Variants in SHISA6 observed in about 807,000 individuals in gnomAD.
SHISA6 encodes the protein shisa family member 6, also known as protein shisa-6.
SHISA6 carries 22 observed loss-of-function variants against 47.9 expected under a neutral mutation model. The observed-to-expected ratio is 0.46, with a 90% CI of 0.33 to 0.66. SHISA6 has a LOEUF of 0.66. Among genes scored for constraint, SHISA6 ranks in the 30% least tolerant of loss-of-function variants. The pLI is 0.02. For missense variants in SHISA6, 680 were observed against 764.6 expected (o/e 0.89, Z 1.30); for synonymous variants, 388 against 337.8 (o/e 1.15, Z -1.63).
intron 3 of SHISA6, among the ~76,000 whole-genome samples, chr17:11,491,200 C>T (rs1597547926): frequency 6.6e-6 from 1 of 152,254 alleles, no homozygotes; most frequent in South Asian, 2.1e-4. Context: ...GGAGGGGAGT[C>T]ATATTGTCAA....
chr17:11,446,363 G>A (rs1380411656), intron 3 of SHISA6, among the ~76,000 whole-genome samples: 3 of 152,152 alleles, frequency 2.0e-5, no homozygotes, highest in Non-Finnish European at 2.9e-5. Context: ...CATCTATGGT[G>A]GAATCGTCCT....
rs578239794 is a variant in SHISA6 at position 11,552,218 on chromosome 17, C to T, written c.952+266C>T. Among the ~76,000 whole-genome samples the T allele has an allele frequency of 1.2e-4, 19 of 152,358 alleles. No homozygotes were observed. In the East Asian group the frequency reaches 3.7e-3, roughly 29 times the overall value. On this transcript the variant is annotated intron_variant, in intron 4 of 5. Coordinates refer to ENST00000441885, the MANE Select transcript of SHISA6 (RefSeq NM_207386.4). ...GGGCTAGACCCATTTCTACTTGCCA[C>T]CTGTATCACTTCTTACAGTCATAAA...
chr17:11,472,649 T>C (rs1463255349), intron 3 of SHISA6, among the ~76,000 whole-genome samples: 2 of 152,224 alleles, frequency 1.3e-5, no homozygotes, highest in African/African-American at 4.8e-5. Flanking sequence ...CAGGGTTTCT[T>C]TGTGTGGAAA....
At chr17:11,252,349 A>G (rs923743657) in intron 1 of SHISA6, among the ~76,000 whole-genome samples, 3 of 152,204 alleles carry the variant, frequency 2.0e-5, no homozygotes, top group Non-Finnish European at 4.4e-5. Context: ...TACTCAGGAC[A>G]TCTGTCCTCT....
At chr17:11,507,197 G>T (rs896958110) in intron 3 of SHISA6, among the ~76,000 whole-genome samples, 3 of 152,194 alleles carry the variant, frequency 2.0e-5, no homozygotes, top group African/African-American at 7.2e-5. Context: ...AGTATAAATT[G>T]CTCAATTAAT....
intron 2 of SHISA6, among the ~76,000 whole-genome samples, chr17:11,320,659 CAAA>C (rs112649016): frequency 3.8e-5 from 3 of 79,468 alleles, no homozygotes; most frequent in Admixed American, 2.4e-4. Flanking sequence ...ACTCCATCAC[CAAA>C]AAAAAAAAGA....
intron 3 of SHISA6, among the ~76,000 whole-genome samples, chr17:11,531,352 T>G (rs1421752569): frequency 6.6e-6 from 1 of 151,926 alleles, no homozygotes; most frequent in African/African-American, 2.4e-5. Flanking sequence ...AGCATTTCAG[T>G]TTAAACACAC....
At chr17:11,428,016 C>G (rs1914650938) in intron 3 of SHISA6, among the ~76,000 whole-genome samples, 1 of 152,188 alleles carries the variant, frequency 6.6e-6, no homozygotes. Context: ...TAGAATGAAG[C>G]ATGAAGTCTG....
At chr17:11,287,366 T>C in intron 2 of SHISA6, among the ~76,000 whole-genome samples, 1 of 151,870 alleles carries the variant, frequency 6.6e-6, no homozygotes. Flanking sequence ...TAGAATGAGA[T>C]TGTACTTTAT....
intron 3 of SHISA6, among the ~76,000 whole-genome samples, chr17:11,431,828 G>T (rs944865868): frequency 1.3e-5 from 2 of 152,176 alleles, no homozygotes; most frequent in African/African-American, 2.4e-5. Flanking sequence ...AAACAGAGTA[G>T]CTCTTCCTTG....
At chr17:11,495,986 TATCCATTC>T (rs1416871203) in intron 3 of SHISA6, among the ~76,000 whole-genome samples, 2 of 131,124 alleles carry the variant, frequency 1.5e-5, no homozygotes, top group African/African-American at 2.9e-5. Context: ...TCCTTCTATT[TATCCATTC>T]ATCCATCCAT....
chr17:11,277,270 TCTCTCTCTCTCACACACACACACACA>T (rs1908943535), intron 2 of SHISA6, among the ~76,000 whole-genome samples: 1 of 113,986 alleles, frequency 8.8e-6, no homozygotes, highest in Non-Finnish European at 1.7e-5. Flanking sequence ...TCTCTCTCTC[TCTCTCTCTCTCACACACACACACACA>T]CACACACACA....
chr17:11,325,209 G>A (rs1391040786), intron 2 of SHISA6, among the ~76,000 whole-genome samples: 1 of 152,222 alleles, frequency 6.6e-6, no homozygotes, highest in Admixed American at 6.5e-5. Context: ...CAGGAGCAGG[G>A]ATGCTGGCCT....
intron 3 of SHISA6, among the ~76,000 whole-genome samples, chr17:11,504,715 A>G (rs1375102005): frequency 2.0e-5 from 3 of 152,190 alleles, no homozygotes; most frequent in Non-Finnish European, 2.9e-5. Context: ...GATGCCACGA[A>G]TAACACACTG....
chr17:11,506,172 G>A (rs1052650612), intron 3 of SHISA6, among the ~76,000 whole-genome samples: 3 of 152,166 alleles, frequency 2.0e-5, no homozygotes, highest in African/African-American at 7.2e-5. Context: ...GACACTTGAG[G>A]AGATGGTCAG....
chr17:11,301,140 G>A (rs1298845069), intron 2 of SHISA6, among the ~76,000 whole-genome samples: 1 of 152,062 alleles, frequency 6.6e-6, no homozygotes, highest in African/African-American at 2.4e-5. Context: ...GCTGAGCCCG[G>A]TAGCAGACCC....
At chr17:11,525,006 C>G (rs757219843) in intron 3 of SHISA6, among the ~76,000 whole-genome samples, 1 of 152,058 alleles carries the variant, frequency 6.6e-6, no homozygotes, top group Non-Finnish European at 1.5e-5. Context: ...GAAAGGCCAG[C>G]AGGGTTTTGT....
intron 2 of SHISA6, among the ~76,000 whole-genome samples, chr17:11,341,388 G>A (rs115931839): frequency 0.19 from 25,950 of 140,206 alleles, 2,501 homozygotes; most frequent in Middle Eastern, 0.3. Flanking sequence ...AGGATGGAGT[G>A]CAGTGGCATG....
intron 2 of SHISA6, among the ~76,000 whole-genome samples, chr17:11,364,492 C>G (rs1446266312): frequency 2.6e-5 from 4 of 152,144 alleles, no homozygotes; most frequent in African/African-American, 9.7e-5. Context: ...ACATCTGTCA[C>G]CAGTTCACAC....
Sources: gnomAD v4.1 joint callset for allele counts (sites outside exome capture counted in the v4.1 genomes callset) on GRCh38, gnomAD v4.1.1 for gene constraint, MANE v1.5 for transcripts, NCBI Gene and HGNC (gene_info 2026-07-23, HGNC 2026-07-21) for gene names.